The following SLC4A4 variants were observed in gnomAD, a reference collection of about 807,000 sequenced individuals.
SLC4A4 encodes electrogenic sodium bicarbonate cotransporter 1.
In SLC4A4, 27 loss-of-function variants were observed where a neutral mutation model predicts 111.5. That is an observed-to-expected ratio of 0.24 (90% CI 0.18 to 0.33). The LOEUF is 0.33. Among genes scored for constraint, SLC4A4 ranks in the 10% least tolerant of loss-of-function variants. The pLI is 1.00. For synonymous variants in SLC4A4, 443 were observed against 463.4 expected (o/e 0.96, Z 0.57); for missense variants, 909 against 1,315.5 (o/e 0.69, Z 4.78).
intron 6 of SLC4A4, among the ~76,000 whole-genome samples, chr4:71,369,569 A>G (rs1156360771): frequency 6.6e-6 from 1 of 152,194 alleles, no homozygotes; most frequent in Non-Finnish European, 1.5e-5. Context: ...TAAGAGGAAG[A>G]GCTTACTAAG....
chr4:71,454,404 T>C (rs1577944774), intron 12 of SLC4A4, among the ~76,000 whole-genome samples: 1 of 152,214 alleles, frequency 6.6e-6, no homozygotes, highest in East Asian at 1.9e-4. Flanking sequence ...AAAGCTATTG[T>C]GCTAGGTGAT....
chr4:71,519,523 G>GTGTAA (rs1355068725), intron 16 of SLC4A4, among the ~76,000 whole-genome samples: 1 of 152,184 alleles, frequency 6.6e-6, no homozygotes, highest in Non-Finnish European at 1.5e-5. Context: ...AAAGGTCAGT[G>GTGTAA]TGTAACTGTG....
chr4:71,568,104 C>T lies in SLC4A4; in HGVS notation c.*353C>T. ...GCATCTGAGGAATCCCCCTTTTGTT[C>T]TTAAACTTTCAGATGTGTCCTTTGA... On this transcript the variant is annotated 3_prime_UTR_variant, in exon 26 of 26. Coordinates refer to ENST00000264485, the MANE Select transcript of SLC4A4 (RefSeq NM_001098484.3). 2.2e-6 allele frequency: 1 copy of T among 447,074 alleles called. No homozygotes were observed. Among genetic ancestry groups the T allele is most frequent in the East Asian group, 4.5e-5 (1 of 22,292 alleles). 27.7% of individuals were successfully genotyped at this position (447,074 alleles called of 1,614,324 possible).
intron 18 of SLC4A4, among the ~76,000 whole-genome samples, chr4:71,536,873 G>C (rs982915192): frequency 1.3e-4 from 20 of 151,110 alleles, no homozygotes; most frequent in African/African-American, 4.9e-4. Flanking sequence ...ATATAGTTTT[G>C]ATATTGCATA....
At chr4:71,188,287 C>A (rs1280476164) in intron 1 of SLC4A4, among the ~76,000 whole-genome samples, 12 of 152,180 alleles carry the variant, frequency 7.9e-5, no homozygotes, top group Non-Finnish European at 1.8e-4. Context: ...TCTCTTCTAT[C>A]ACTTTTTTCA....
chr4:71,485,251 A>G (rs1420264815), intron 14 of SLC4A4, among the ~76,000 whole-genome samples: 1 of 151,742 alleles, frequency 6.6e-6, no homozygotes, highest in East Asian at 1.9e-4. Context: ...CCCATTCAAT[A>G]TGATGTTGGC....
chr4:71,468,075 G>A (rs1459214349), intron 13 of SLC4A4, among the ~76,000 whole-genome samples: 1 of 152,040 alleles, frequency 6.6e-6, no homozygotes, highest in Non-Finnish European at 1.5e-5. Flanking sequence ...GAGGATATCA[G>A]CAGGAGTCTT....
intron 6 of SLC4A4, among the ~76,000 whole-genome samples, chr4:71,385,537 G>A (rs927854787): frequency 6.6e-6 from 1 of 151,904 alleles, no homozygotes; most frequent in African/African-American, 2.4e-5. Context: ...TAAATTTTGT[G>A]CTTTCTCTAT....
chr4:71,352,824 G>C (rs768628220), intron 5 of SLC4A4, among the ~76,000 whole-genome samples: 10 of 152,220 alleles, frequency 6.6e-5, no homozygotes, highest in Non-Finnish European at 1.5e-4. Flanking sequence ...GTGACTTCAT[G>C]AACGGGAGAC....
At chr4:71,486,642 A>G (rs915984326) in intron 14 of SLC4A4, among the ~76,000 whole-genome samples, 1 of 148,618 alleles carries the variant, frequency 6.7e-6, no homozygotes, top group Non-Finnish European at 1.5e-5. Context: ...TATATTGAGT[A>G]CCTTGTAGTA....
intron 6 of SLC4A4, among the ~76,000 whole-genome samples, chr4:71,374,468 A>G (rs1732165274): frequency 1.3e-5 from 2 of 152,232 alleles, no homozygotes; most frequent in Non-Finnish European, 2.9e-5. Flanking sequence ...CAGAAATTGT[A>G]TGTGGTATGC....
chr4:71,332,117 C>G (rs923322161), intron 3 of SLC4A4, among the ~76,000 whole-genome samples: 5 of 152,010 alleles, frequency 3.3e-5, no homozygotes, highest in African/African-American at 1.2e-4. Flanking sequence ...TTTCAAACAA[C>G]CAGGTTTTTG....
At chr4:71,429,157 G>A (rs1275901418) in intron 7 of SLC4A4, among the ~76,000 whole-genome samples, 1 of 152,112 alleles carries the variant, frequency 6.6e-6, no homozygotes, top group Non-Finnish European at 1.5e-5. Context: ...CTAGGAGGAC[G>A]TAATATTAAT....
At chr4:71,566,722 G>A (rs1051523942) in intron 24 of SLC4A4, among the ~76,000 whole-genome samples, 1 of 151,704 alleles carries the variant, frequency 6.6e-6, no homozygotes, top group Non-Finnish European at 1.5e-5. Flanking sequence ...CAAGCCTTAG[G>A]CATTAAGAGA....
chr4:71,226,366 T>C (rs1038182798), intron 1 of SLC4A4, among the ~76,000 whole-genome samples: 4 of 152,230 alleles, frequency 2.6e-5, no homozygotes, highest in African/African-American at 9.6e-5. Context: ...GTTCATTCAT[T>C]ATTCTGTTCG....
intron 16 of SLC4A4, among the ~76,000 whole-genome samples, chr4:71,499,415 C>T (rs1031113201): frequency 4.6e-5 from 7 of 152,166 alleles, no homozygotes; most frequent in African/African-American, 1.7e-4. Flanking sequence ...TTAACATATC[C>T]ATTACCTCAC....
rs58749690 is a variant in SLC4A4 at position 71,508,774 on chromosome 4, T to TTA, written c.2166+11085_2166+11086dup. Among the ~76,000 whole-genome samples the TTA allele has an allele frequency of 8.7e-3, 1,323 of 152,312 alleles. 20 individuals carry two copies. Among genetic ancestry groups the TTA allele is most frequent in the African/African-American group, 0.029 (1,208 of 41,566 alleles). On this transcript the variant is annotated intron_variant, in intron 16 of 25. Transcript: ENST00000264485. ...TGACTGTATGAGTCCAGCTTCATTC[T>TTA]TATACCAAAACCTGGCAGAGATACA...
chr4:71,390,997 ACT>A (rs1292585141), intron 6 of SLC4A4, among the ~76,000 whole-genome samples: 1 of 152,120 alleles, frequency 6.6e-6, no homozygotes, highest in Non-Finnish European at 1.5e-5. Flanking sequence ...GTTGACCATT[ACT>A]CTCGAATATA....
Position 71,310,706 on chromosome 4 carries a change from C to T in SLC4A4, c.254-28664C>T, listed in dbSNP as rs1467735458. Reference sequence around the variant, plus strand: ...AGCACTAAATATGGAAAAGAAAAATCGGTACTAGCCACTGCAAAAACACAC... The same window carrying T: ...AGCACTAAATATGGAAAAGAAAAATTGGTACTAGCCACTGCAAAAACACAC... On this transcript the variant is annotated intron_variant, in intron 3 of 25. Transcript: ENST00000264485. 3.9e-5 allele frequency among the ~76,000 whole-genome samples: 6 copies of T among 152,156 alleles called. No individual in the cohort carries two copies. The East Asian group carries it at 5.8e-4, about 15-fold the overall frequency.
Sources: gnomAD v4.1 joint callset for allele counts (sites outside exome capture counted in the v4.1 genomes callset) on GRCh38, gnomAD v4.1.1 for gene constraint, MANE v1.5 for transcripts, NCBI Gene and HGNC (gene_info 2026-07-23, HGNC 2026-07-21) for gene names.